Variants in CFAP61 observed in about 807,000 individuals in gnomAD.
The protein encoded by CFAP61 is cilia and flagella associated protein 61.
Under a neutral mutation model 135.6 loss-of-function variants are expected in CFAP61, and 107 were observed. The observed-to-expected ratio is 0.79, with a 90% CI of 0.67 to 0.93. The LOEUF (loss-of-function observed/expected upper bound fraction) is 0.93. CFAP61 is among the 40% of genes least tolerant of loss of function. The probability of loss-of-function intolerance (pLI) is 0.00; values close to 1 mark genes in which losing one functional copy is unlikely to be tolerated. For synonymous variants in CFAP61, 575 were observed against 578.5 expected (o/e 0.99, Z 0.09); for missense variants, 1,507 against 1,556.2 (o/e 0.97, Z 0.53).
chr20:20,127,246 A>G (rs1940073570), intron 8 of CFAP61, among the ~76,000 whole-genome samples: 1 of 151,584 alleles, frequency 6.6e-6, no homozygotes, highest in Non-Finnish European at 1.5e-5. Context: ...CTTGGTTTGG[A>G]TCCATTGCTG....
chr20:20,090,211 C>A (rs1358938851), intron 6 of CFAP61, among the ~76,000 whole-genome samples: 1 of 152,198 alleles, frequency 6.6e-6, no homozygotes, highest in Non-Finnish European at 1.5e-5. Flanking sequence ...CAATGTTCCA[C>A]TTCTAGGTTT....
chr20:20,257,620 C>CAAAAAAAAA (rs147860452), intron 20 of CFAP61, among the ~76,000 whole-genome samples: 41 of 57,622 alleles, frequency 7.1e-4, no homozygotes, highest in South Asian at 1.7e-3. Flanking sequence ...TCAAAAAAAA[C>CAAAAAAAAA]AAAAAAACAA....
intron 10 of CFAP61, among the ~76,000 whole-genome samples, chr20:20,163,155 T>C (rs895555343): frequency 6.6e-6 from 1 of 152,244 alleles, no homozygotes; most frequent in Non-Finnish European, 1.5e-5. Flanking sequence ...TCTTAATAAA[T>C]GTTTGGTGCT....
intron 23 of CFAP61, 62 bp downstream of exon 23, chr20:20,288,998 G>T: frequency 7.4e-7 from 1 of 1,342,426 alleles, no homozygotes; most frequent in Non-Finnish European, 1.0e-6. Flanking sequence ...TCAGCAGTCA[G>T]GCCAGTCCTC....
At chr20:20,068,098 C>T (rs1255076006) in intron 2 of CFAP61, among the ~76,000 whole-genome samples, 2 of 152,122 alleles carry the variant, frequency 1.3e-5, no homozygotes, top group Non-Finnish European at 2.9e-5. Flanking sequence ...AACCAGCATC[C>T]TGAGGTTCCC....
intron 13 of CFAP61, among the ~76,000 whole-genome samples, chr20:20,180,277 C>G (rs917332579): frequency 1.3e-5 from 2 of 151,082 alleles, no homozygotes; most frequent in African/African-American, 4.9e-5. Flanking sequence ...TGCAGTGAGC[C>G]GAGATCACGC....
intron 8 of CFAP61, among the ~76,000 whole-genome samples, chr20:20,110,605 G>A (rs2048732410): frequency 1.3e-5 from 2 of 152,192 alleles, no homozygotes; most frequent in Non-Finnish European, 2.9e-5. Flanking sequence ...GAGTGAGCAT[G>A]GTATTGGCAA....
intron 25 of CFAP61, among the ~76,000 whole-genome samples, chr20:20,336,640 A>T (rs928919409): frequency 3.8e-4 from 56 of 145,796 alleles, no homozygotes; most frequent in African/African-American, 1.1e-3. Context: ...AAAAAAAAAA[A>T]TTTTAAGAAA....
At chr20:20,357,222 A>T (rs2059243842) in intron 26 of CFAP61, among the ~76,000 whole-genome samples, 2 of 47,794 alleles carry the variant, frequency 4.2e-5, no homozygotes, top group Admixed American at 1.8e-4. Flanking sequence ...CACTGAGGGG[A>T]GGGGGTCATA....
intron 8 of CFAP61, among the ~76,000 whole-genome samples, chr20:20,103,660 T>A (rs568965233): frequency 6.6e-6 from 1 of 152,248 alleles, no homozygotes; most frequent in Non-Finnish European, 1.5e-5. Context: ...CCTGGCACTT[T>A]ATGAATATTT....
At chr20:20,201,021 CTG>C (rs2056591568) in intron 17 of CFAP61, 1 of 907,554 alleles carries the variant, frequency 1.1e-6, no homozygotes. Flanking sequence ...TGAGTAGAGA[CTG>C]TTCATATAAA....
Position 20,272,137 on chromosome 20 carries a change from G to A in CFAP61, c.2504-5029G>A, listed in dbSNP as rs77663769. On this transcript the variant is annotated intron_variant, in intron 21 of 26. Transcript: ENST00000245957. Reference sequence around the variant, plus strand: ...CATATTTAATTAACTGAAGTTTTCCGGCTTATTAAAAGCATGCTGTAGGCC... The same window carrying A: ...CATATTTAATTAACTGAAGTTTTCCAGCTTATTAAAAGCATGCTGTAGGCC... 3.0e-4 allele frequency among the ~76,000 whole-genome samples: 45 copies of A among 152,038 alleles called. No homozygotes were observed. The East Asian group carries it at 4.3e-3, about 14-fold the overall frequency.
At chr20:20,353,615 A>C (rs1340981414) in intron 26 of CFAP61, among the ~76,000 whole-genome samples, 1 of 152,120 alleles carries the variant, frequency 6.6e-6, no homozygotes, top group Non-Finnish European at 1.5e-5. Flanking sequence ...TCGGAACTTC[A>C]CTCTTGTTCT....
At chr20:20,305,672 G>A (rs540271793) in intron 25 of CFAP61, among the ~76,000 whole-genome samples, 19 of 152,274 alleles carry the variant, frequency 1.2e-4, no homozygotes, top group African/African-American at 3.8e-4. Context: ...ACTTCAGATC[G>A]TGCCAGTCCT....
At chr20:20,352,676 CA>C (rs1321256414) in intron 26 of CFAP61, among the ~76,000 whole-genome samples, 2 of 152,150 alleles carry the variant, frequency 1.3e-5, no homozygotes, top group Non-Finnish European at 2.9e-5. Flanking sequence ...AGCCCATACA[CA>C]AAAATCAATT....
intron 17 of CFAP61, among the ~76,000 whole-genome samples, chr20:20,227,335 T>G (rs1392058250): frequency 6.6e-6 from 1 of 152,242 alleles, no homozygotes; most frequent in African/African-American, 2.4e-5. Flanking sequence ...TTCCACTGAC[T>G]TCTGGTCACC....
intron 18 of CFAP61, among the ~76,000 whole-genome samples, chr20:20,235,497 TGTG>T (rs1240874940): frequency 1.3e-5 from 2 of 152,056 alleles, no homozygotes; most frequent in African/African-American, 2.4e-5. Context: ...ACCAGGCCGA[TGTG>T]GTGTTTACCC....
intron 6 of CFAP61, among the ~76,000 whole-genome samples, chr20:20,082,879 T>C (rs1393660534): frequency 1.3e-5 from 2 of 152,164 alleles, no homozygotes; most frequent in Non-Finnish European, 1.5e-5. Context: ...AAGAACACTT[T>C]TACGCTGCTG....
At chr20:20,236,299 T>C (rs542825496) in intron 18 of CFAP61, among the ~76,000 whole-genome samples, 1 of 152,160 alleles carries the variant, frequency 6.6e-6, no homozygotes, top group Non-Finnish European at 1.5e-5. Flanking sequence ...ACAGTATTTT[T>C]AATAGAATCC....
Sources: allele counts gnomAD v4.1 joint callset (sites outside exome capture counted in the v4.1 genomes callset), GRCh38; gene constraint gnomAD v4.1.1; transcripts MANE v1.5; gene names NCBI Gene and HGNC (gene_info 2026-07-23, HGNC 2026-07-21).